The following MCTP1 variants were observed in gnomAD, a reference collection of about 807,000 sequenced individuals.
MCTP1 encodes the protein multiple C2 and transmembrane domain-containing protein 1.
Under a neutral mutation model 120.6 loss-of-function variants are expected in MCTP1, and 69 were observed. That is an observed-to-expected ratio of 0.57 (90% CI 0.47 to 0.70). The LOEUF (loss-of-function observed/expected upper bound fraction) is 0.70. Ranked by LOEUF, MCTP1 falls within the 30% of genes least tolerant of loss-of-function variation. MCTP1 has a pLI of 0.00. For missense variants in MCTP1, 1,203 were observed against 1,248.8 expected, an observed-to-expected ratio of 0.96 and a Z score of 0.55; for synonymous variants, 529 against 493.1, an observed-to-expected ratio of 1.07 and a Z score of -0.96.
At chr5:95,201,663 C>G (rs533606507) in intron 1 of MCTP1, among the ~76,000 whole-genome samples, 3 of 151,640 alleles carry the variant, frequency 2.0e-5, no homozygotes, top group Admixed American at 6.6e-5. Flanking sequence ...CGCCATCATG[C>G]CTGGCTAGTT....
At chr5:94,874,264 G>C (rs1038656551) in intron 12 of MCTP1, among the ~76,000 whole-genome samples, 3 of 152,048 alleles carry the variant, frequency 2.0e-5, no homozygotes, top group African/African-American at 7.2e-5. Context: ...TGTAGTCACA[G>C]TAGTTTACAC....
chr5:94,989,452 GA>G (rs1376171076), intron 2 of MCTP1, among the ~76,000 whole-genome samples: 1 of 152,188 alleles, frequency 6.6e-6, no homozygotes, highest in Non-Finnish European at 1.5e-5. Context: ...GACAAAATAA[GA>G]AATGTATATT....
At chr5:94,777,809 TGTTA>T (rs1775701906) in intron 19 of MCTP1, among the ~76,000 whole-genome samples, 2 of 152,166 alleles carry the variant, frequency 1.3e-5, no homozygotes, top group South Asian at 2.1e-4. Flanking sequence ...AAGGAGATTT[TGTTA>T]GTTTATGTTT....
chr5:95,067,486 T>C (rs1225912490), intron 1 of MCTP1, among the ~76,000 whole-genome samples: 1 of 152,104 alleles, frequency 6.6e-6, no homozygotes, highest in Non-Finnish European at 1.5e-5. Context: ...TATTCATAGA[T>C]TGTCTCTATA....
intron 17 of MCTP1, among the ~76,000 whole-genome samples, chr5:94,834,204 G>A (rs1789180452): frequency 4.6e-5 from 7 of 152,284 alleles, no homozygotes; most frequent in Middle Eastern, 3.4e-3. Flanking sequence ...CTGCAAAACA[G>A]AGGAAGCTTT....
chr5:95,211,258 C>T (rs1752336303), intron 1 of MCTP1, among the ~76,000 whole-genome samples: 1 of 152,228 alleles, frequency 6.6e-6, no homozygotes, highest in African/African-American at 2.4e-5. Flanking sequence ...TGGATAATAT[C>T]CTGCAGAGTG....
At chr5:94,783,323 C>T (rs1561629299) in intron 18 of MCTP1, among the ~76,000 whole-genome samples, 1 of 152,036 alleles carries the variant, frequency 6.6e-6, no homozygotes, top group Non-Finnish European at 1.5e-5. Context: ...TGTGGCCATA[C>T]ATTTAAAAAA....
At chr5:94,936,143 CTAATTT>C (rs1013311112) in intron 5 of MCTP1, among the ~76,000 whole-genome samples, 3 of 151,782 alleles carry the variant, frequency 2.0e-5, no homozygotes, top group African/African-American at 7.3e-5. Context: ...CATTAATATA[CTAATTT>C]TAAGAACTTA....
At chr5:94,868,825 A>G (rs1797311232) in intron 16 of MCTP1, among the ~76,000 whole-genome samples, 1 of 151,992 alleles carries the variant, frequency 6.6e-6, no homozygotes, top group South Asian at 2.1e-4. Flanking sequence ...TAATTTCAAG[A>G]CATTTCAAAG....
At chr5:95,199,611 A>ACCT (rs1750770733) in intron 1 of MCTP1, among the ~76,000 whole-genome samples, 1 of 151,338 alleles carries the variant, frequency 6.6e-6, no homozygotes, top group Non-Finnish European at 1.5e-5. Flanking sequence ...TGATCCCAGC[A>ACCT]TTTTGGGGGT....
intron 18 of MCTP1, among the ~76,000 whole-genome samples, chr5:94,797,413 C>T (rs973300640): frequency 2.0e-5 from 3 of 152,222 alleles, no homozygotes; most frequent in East Asian, 1.9e-4. Flanking sequence ...TCTCTAAAAT[C>T]GCCATGAAGT....
intron 6 of MCTP1, among the ~76,000 whole-genome samples, chr5:94,926,052 AT>A (rs954525080): frequency 2.0e-5 from 3 of 152,152 alleles, no homozygotes; most frequent in Admixed American, 1.3e-4. Flanking sequence ...AGGACAGTTT[AT>A]TTTTTTCTAA....
At chr5:94,753,511 T>C (rs1461188487) in intron 19 of MCTP1, among the ~76,000 whole-genome samples, 1 of 152,218 alleles carries the variant, frequency 6.6e-6, no homozygotes, top group Non-Finnish European at 1.5e-5. Flanking sequence ...AAATGAGAAA[T>C]CATGTTATTG....
intron 8 of MCTP1, among the ~76,000 whole-genome samples, chr5:94,914,068 C>T (rs1195322010): frequency 1.3e-5 from 2 of 151,978 alleles, no homozygotes; most frequent in Admixed American, 6.6e-5. Context: ...TGCAAGTCTA[C>T]TAAAAATGGC....
chr5:95,110,529 TAAAA>T (rs1757378549), intron 1 of MCTP1, among the ~76,000 whole-genome samples: 3 of 152,170 alleles, frequency 2.0e-5, no homozygotes, highest in Admixed American at 1.3e-4. Flanking sequence ...TTATGTGAGT[TAAAA>T]TAAACCTTTA....
chr5:95,061,646 G>A (rs970351200), intron 1 of MCTP1, among the ~76,000 whole-genome samples: 4 of 150,972 alleles, frequency 2.6e-5, no homozygotes, highest in South Asian at 2.1e-4. Flanking sequence ...CGTGTTAGCC[G>A]GGATGGTCTC....
intron 12 of MCTP1, among the ~76,000 whole-genome samples, chr5:94,878,498 C>T (rs1296474145): frequency 6.6e-6 from 1 of 151,966 alleles, no homozygotes; most frequent in Non-Finnish European, 1.5e-5. Flanking sequence ...TTTCAACCTA[C>T]TAGATCTAAT....
intron 1 of MCTP1, among the ~76,000 whole-genome samples, chr5:95,218,969 G>C (rs753474406): frequency 6.6e-6 from 1 of 152,110 alleles, no homozygotes. Context: ...TCACTGACCA[G>C]AATGTCATTA....
At chr5:94,884,937 AATAACT>A (rs1426166138) in intron 12 of MCTP1, among the ~76,000 whole-genome samples, 2 of 152,224 alleles carry the variant, frequency 1.3e-5, no homozygotes, top group African/African-American at 4.8e-5. Flanking sequence ...CATCTCTCTT[AATAACT>A]AGTAGGTTTC....
Sources: gnomAD v4.1 joint callset for allele counts (sites outside exome capture counted in the v4.1 genomes callset) on GRCh38, gnomAD v4.1.1 for gene constraint, MANE v1.5 for transcripts, NCBI Gene and HGNC (gene_info 2026-07-23, HGNC 2026-07-21) for gene names.